Variants in SACM1L observed in about 807,000 individuals in gnomAD.
The protein encoded by SACM1L is SAC1 like phosphatidylinositide phosphatase.
A neutral mutation model predicts 89.5 loss-of-function variants in SACM1L; 32 were observed. The ratio of observed to expected loss-of-function variants is 0.36; its 90% CI spans 0.27 to 0.48. The LOEUF (loss-of-function observed/expected upper bound fraction) is 0.48, where lower values mean the gene tolerates loss of function less well. Among genes scored for constraint, SACM1L ranks in the 20% least tolerant of loss-of-function variants. The pLI, the probability that SACM1L is intolerant of heterozygous loss-of-function variation, is 0.99. For synonymous variants in SACM1L, 213 were observed against 232.8 expected, an observed-to-expected ratio of 0.92 and a Z score of 0.77; for missense variants, 543 against 708.5, an observed-to-expected ratio of 0.77 and a Z score of 2.65.
intron 11 of SACM1L, among the ~76,000 whole-genome samples, chr3:45,729,251 T>A (rs1367326238): frequency 1.7e-5 from 2 of 116,560 alleles, no homozygotes; most frequent in African/African-American, 3.4e-5. Context: ...CACACCCAGC[T>A]AATTTTTTTA....
In SACM1L at chr3:45,745,191, A is replaced by G. The variant is rs1438360610; in HGVS notation, c.*1522A>G. 6.6e-6 allele frequency: 1 copy of G among 152,620 alleles called. No individual in the cohort carries two copies. Among genetic ancestry groups the G allele is most frequent in the South Asian group, 2.1e-4 (1 of 4,830 alleles). 9.5% of individuals were successfully genotyped at this position (152,620 alleles called of 1,614,324 possible). ...TAGTTCATGTCTGCTGTAAAATATT[A>G]TTTAAATGCTGCTGGGCATTTCACT... is the stretch of plus-strand genomic sequence containing the variant. On this transcript the variant is annotated 3_prime_UTR_variant, in exon 20 of 20. Transcript: ENST00000389061.
intron 11 of SACM1L, chr3:45,730,628 G>A (rs1182878489): frequency 1.3e-5 from 2 of 152,250 alleles, no homozygotes; most frequent in African/African-American, 4.8e-5. Flanking sequence ...AAAGGTTTAA[G>A]GTCTTCTCAG....
chr3:45,689,894 A>T, intron 1 of SACM1L: 1 of 264,958 alleles, frequency 3.8e-6, no homozygotes, highest in South Asian at 6.3e-5. Context: ...ACGGACCTAC[A>T]GCAGCAATTT....
intron 5 of SACM1L, among the ~76,000 whole-genome samples, chr3:45,710,752 T>G (rs961114046): frequency 6.6e-6 from 1 of 152,182 alleles, no homozygotes; most frequent in Non-Finnish European, 1.5e-5. Context: ...TTCATGTGGT[T>G]CAACCTAAAT....
intron 13 of SACM1L, 42 bp from the exon 14 acceptor site, chr3:45,735,193 G>T: frequency 6.4e-7 from 1 of 1,565,190 alleles, no homozygotes; most frequent in South Asian, 1.2e-5. Context: ...TAGTAAATCT[G>T]ACCTACTTTG....
At position 45,743,830 on chromosome 3, in the gene SACM1L, T is replaced by G; in HGVS notation, c.*161T>G. The G allele has an allele frequency of 3.3e-6, 2 of 603,644 alleles. No homozygotes were observed. The highest frequency in any genetic ancestry group is 6.1e-5 in the South Asian group (2 of 33,028). The allele number at this position is 603,644 out of a possible 1,614,324, so 37.4% of individuals were successfully genotyped here. A position where few individuals can be genotyped will look rare whatever the true frequency, so the allele number is the denominator to read the frequency against. On this transcript the variant is annotated 3_prime_UTR_variant, in exon 20 of 20. Transcript: ENST00000389061. Reference sequence around the variant, plus strand: ...GGATGATGACAGAATTGATCTGATGTTACTGCCTTGATGGTCTCTTTACTA... The same window carrying G: ...GGATGATGACAGAATTGATCTGATGGTACTGCCTTGATGGTCTCTTTACTA...
chr3:45,744,725 C>G lies in SACM1L; in HGVS notation c.*1056C>G, dbSNP rs528618385. 2 of 152,690 alleles carry G rather than the reference C, an allele frequency of 1.3e-5. No homozygotes were observed. The highest frequency in any genetic ancestry group is 2.4e-5 in the African/African-American group (1 of 41,544). 9.5% of individuals were successfully genotyped at this position (152,690 alleles called of 1,614,324 possible). On this transcript the variant is annotated 3_prime_UTR_variant, in exon 20 of 20. Coordinates refer to ENST00000389061, the MANE Select transcript of SACM1L (RefSeq NM_014016.5). ...CGTTAATTTTTGTGCAAAAACAAAC[C>G]TGAAAAATATGCTTCGGAAACTGTG...
chr3:45,696,888 T>A (rs912014228), intron 1 of SACM1L, among the ~76,000 whole-genome samples: 5 of 152,212 alleles, frequency 3.3e-5, no homozygotes, highest in African/African-American at 4.8e-5. Flanking sequence ...TTAAAGATAT[T>A]GCTTTTCTTA....
intron 14 of SACM1L, chr3:45,737,233 G>T (rs1699221544): frequency 8.0e-6 from 2 of 251,236 alleles, no homozygotes; most frequent in South Asian, 7.1e-5. Flanking sequence ...GGTCTCAAGG[G>T]GTAGAGGCAG....
At chr3:45,697,269 C>CTTTTTTTTTTTTTTTTTTTTT (rs869095037) in intron 1 of SACM1L, among the ~76,000 whole-genome samples, 2 of 92,086 alleles carry the variant, frequency 2.2e-5, no homozygotes, top group African/African-American at 4.3e-5. Context: ...TTTTCTTTTC[C>CTTTTTTTTTTTTTTTTTTTTT]TTTTTTTTTT....
At chr3:45,715,789 G>A (rs1445415618) in intron 7 of SACM1L, among the ~76,000 whole-genome samples, 1 of 136,790 alleles carries the variant, frequency 7.3e-6, no homozygotes, top group East Asian at 2.0e-4. Flanking sequence ...AAAAAAAAAA[G>A]TGTTTATCCT....
intron 19 of SACM1L, among the ~76,000 whole-genome samples, chr3:45,740,879 T>C (rs1309863203): frequency 6.6e-6 from 1 of 152,244 alleles, no homozygotes; most frequent in African/African-American, 2.4e-5. Context: ...GATTAAGATA[T>C]TACTTATCAT....
chr3:45,743,399 AT>A, intron 19 of SACM1L, 133 bp from the exon 20 acceptor site: 1 of 899,340 alleles, frequency 1.1e-6, no homozygotes, highest in Non-Finnish European at 1.7e-6. Context: ...TTAAACCTTA[AT>A]TAAGAGGTTC....
chr3:45,723,950 G>A (rs1183412918), intron 11 of SACM1L, among the ~76,000 whole-genome samples: 3 of 117,336 alleles, frequency 2.6e-5, no homozygotes, highest in African/African-American at 9.7e-5. Context: ...ATGCATATAT[G>A]CACACACACA....
At chr3:45,705,860 G>A (rs114957220) in intron 3 of SACM1L, among the ~76,000 whole-genome samples, 1,636 of 152,296 alleles carry the variant, frequency 0.011, 26 homozygotes, top group African/African-American at 0.038. Context: ...CTTCAGCCCT[G>A]TAGTAATAGG....
At position 45,737,626 on chromosome 3, in the gene SACM1L, A is replaced by G. The variant is rs1156836158; in HGVS notation, c.1283A>G (p.Asp428Gly). The stretch of plus-strand genomic sequence containing the variant: ...GTGGGACAAAAGCTTGAAGAACAAG[A>G]TGAATTTGAGAAGATTTACAAAAAT... ...LHVGQKLEEQ[D>G]EFEKIYKNAW... The change falls in exon 15 of 20, where the codon GAT (aspartate) becomes GGT (glycine). Residue 428 changes from aspartate to glycine, a missense_variant. Coordinates refer to ENST00000389061, the MANE Select transcript of SACM1L (RefSeq NM_014016.5). 1 of 1,593,640 alleles carries G rather than the reference A, an allele frequency of 6.3e-7. No individual in the cohort carries two copies. Among genetic ancestry groups the G allele is most frequent in the Non-Finnish European group, 8.5e-7 (1 of 1,175,296 alleles).
intron 7 of SACM1L, among the ~76,000 whole-genome samples, chr3:45,715,773 C>CAAA (rs35433679): frequency 7.6e-6 from 1 of 132,436 alleles, no homozygotes. Context: ...GACTCCATCT[C>CAAA]AAAAAAAAAA....
At chr3:45,732,806 G>A (rs1343241454) in intron 13 of SACM1L, among the ~76,000 whole-genome samples, 2 of 152,208 alleles carry the variant, frequency 1.3e-5, no homozygotes, top group East Asian at 3.8e-4. Context: ...AAAGCCAGAA[G>A]AAGGAATCTG....
intron 11 of SACM1L, among the ~76,000 whole-genome samples, chr3:45,724,996 A>AT (rs530789325): frequency 1.0e-3 from 158 of 152,174 alleles, no homozygotes; most frequent in Non-Finnish European, 2.0e-3. Flanking sequence ...AGTTGAACAT[A>AT]TATATAAGGT....
Sources: gnomAD v4.1 joint callset for allele counts (sites outside exome capture counted in the v4.1 genomes callset) on GRCh38, gnomAD v4.1.1 for gene constraint, MANE v1.5 for transcripts, NCBI Gene and HGNC (gene_info 2026-07-23, HGNC 2026-07-21) for gene names.